Variants in PCDH15 observed in about 807,000 individuals in gnomAD.
PCDH15 encodes protocadherin related 15, also known as protocadherin-15.
In PCDH15, 129 loss-of-function variants were observed where a neutral mutation model predicts 178.5. That is an observed-to-expected ratio of 0.72 (90% confidence interval 0.63 to 0.84). The LOEUF (loss-of-function observed/expected upper bound fraction) is 0.84, where lower values mean the gene tolerates loss of function less well. Among genes scored for constraint, PCDH15 ranks in the 40% least tolerant of loss-of-function variants. The pLI, the probability that PCDH15 is intolerant of heterozygous loss-of-function variation, is 0.00. For missense variants in PCDH15, 2,230 were observed against 2,099.9 expected, an observed-to-expected ratio of 1.06 and a Z score of -1.21; for synonymous variants, 800 against 732.0, an observed-to-expected ratio of 1.09 and a Z score of -1.50.
intron 1 of PCDH15, among the ~76,000 whole-genome samples, chr10:54,793,169 G>T (rs911409437): frequency 6.6e-6 from 1 of 151,890 alleles, no homozygotes. Flanking sequence ...GATTGAAACT[G>T]TGTTGCAAGT....
At chr10:55,065,679 G>A (rs1345009348) in intron 2 of PCDH15, among the ~76,000 whole-genome samples, 1 of 151,990 alleles carries the variant, frequency 6.6e-6, no homozygotes, top group African/African-American at 2.4e-5. Flanking sequence ...TGTGAAATAA[G>A]TGAAATAACA....
chr10:54,880,635 T>A (rs1159841488), intron 3 of PCDH15, among the ~76,000 whole-genome samples: 1 of 151,678 alleles, frequency 6.6e-6, no homozygotes, highest in Admixed American at 6.6e-5. Context: ...AAATAATATA[T>A]TTTTAGTTGG....
chr10:55,208,967 C>G (rs1039197851), intron 1 of PCDH15, among the ~76,000 whole-genome samples: 1 of 151,986 alleles, frequency 6.6e-6, no homozygotes, highest in African/African-American at 2.4e-5. Flanking sequence ...GTAATAAGCA[C>G]TATGGAGATG....
At chr10:54,558,105 A>G (rs1053615055) in intron 2 of PCDH15, among the ~76,000 whole-genome samples, 8 of 152,112 alleles carry the variant, frequency 5.3e-5, no homozygotes, top group Admixed American at 3.9e-4. Flanking sequence ...CTGATATGCA[A>G]TCAGGACCCT....
intron 2 of PCDH15, among the ~76,000 whole-genome samples, chr10:54,630,639 T>C (rs183200095): frequency 7.9e-5 from 12 of 152,068 alleles, no homozygotes; most frequent in African/African-American, 2.4e-4. Context: ...AAACAAAAAT[T>C]ACAAAAAATA....
intron 16 of PCDH15, 85 bp downstream of exon 16, chr10:54,089,899 G>A: frequency 2.9e-6 from 3 of 1,036,666 alleles, no homozygotes; most frequent in Admixed American, 1.8e-5. Context: ...ACAAACAGCT[G>A]AAAGCCTCTG....
intron 20 of PCDH15, among the ~76,000 whole-genome samples, chr10:54,014,550 A>G (rs2092685307): frequency 6.6e-6 from 1 of 152,188 alleles, no homozygotes; most frequent in South Asian, 2.1e-4. Flanking sequence ...GCACATTGAA[A>G]AGCTAATCCA....
chr10:54,881,465 G>C (rs1484746358), intron 3 of PCDH15, among the ~76,000 whole-genome samples: 1 of 151,966 alleles, frequency 6.6e-6, no homozygotes, highest in Non-Finnish European at 1.5e-5. Flanking sequence ...AATAATTTGA[G>C]AGCTTTGCAC....
intron 1 of PCDH15, among the ~76,000 whole-genome samples, chr10:55,210,347 T>C (rs1320425858): frequency 6.6e-6 from 1 of 151,940 alleles, no homozygotes; most frequent in East Asian, 1.9e-4. Flanking sequence ...AAATAGTAGA[T>C]AAATAAAAGT....
In PCDH15 at chr10:54,357,755, T is replaced by A. The variant is rs541149030; in HGVS notation, c.475-11271A>T. 1.9e-3 allele frequency among the ~76,000 whole-genome samples: 284 copies of A among 152,262 alleles called. 1 individual carries two copies. The highest frequency in any genetic ancestry group is 3.4e-3 in the Middle Eastern group (1 of 294). ...AGCTGGAGGCATCACGCTACCTGAC[T>A]TCAAAGTATACTACAAGGCTACAGT... On this transcript the variant is annotated intron_variant, in intron 5 of 37. Transcript: ENST00000644397.
chr10:54,084,464 C>T (rs1368159440), intron 16 of PCDH15, among the ~76,000 whole-genome samples: 2 of 151,482 alleles, frequency 1.3e-5, no homozygotes, highest in Non-Finnish European at 2.9e-5. Flanking sequence ...CAGAACAAGA[C>T]TCCATCTCAA....
intron 8 of PCDH15, among the ~76,000 whole-genome samples, chr10:54,267,384 T>C (rs912870483): frequency 6.6e-6 from 1 of 151,852 alleles, no homozygotes; most frequent in Non-Finnish European, 1.5e-5. Context: ...TATCCACTTT[T>C]ACCACTCTTA....
At chr10:54,105,336 A>G (rs917127847) in intron 15 of PCDH15, among the ~76,000 whole-genome samples, 8 of 98,568 alleles carry the variant, frequency 8.1e-5, no homozygotes, top group African/African-American at 2.4e-4. Flanking sequence ...ACATACATAT[A>G]TATACACACA....
At chr10:53,898,874 T>C (rs2082139872) in intron 26 of PCDH15, among the ~76,000 whole-genome samples, 7 of 152,142 alleles carry the variant, frequency 4.6e-5, no homozygotes, top group Admixed American at 4.6e-4. Flanking sequence ...TAAATAAAAC[T>C]GAAATTCTGT....
At chr10:55,497,339 T>G (rs1840557125) in intron 2 of PCDH15, among the ~76,000 whole-genome samples, 1 of 151,822 alleles carries the variant, frequency 6.6e-6, no homozygotes, top group East Asian at 2.0e-4. Flanking sequence ...CTCACTATGT[T>G]GTCCATGCTT....
intron 1 of PCDH15, among the ~76,000 whole-genome samples, chr10:55,230,482 G>C (rs1841182502): frequency 6.6e-6 from 1 of 152,064 alleles, no homozygotes; most frequent in Non-Finnish European, 1.5e-5. Flanking sequence ...ATTTATTCAT[G>C]TGTTTAATAC....
rs371848714 is a variant in PCDH15 at position 54,388,232 on chromosome 10, G to C, written c.158-9290C>G. Among the ~76,000 whole-genome samples, 26 of 152,206 alleles carry C rather than the reference G, an allele frequency of 1.7e-4. No individual in the cohort carries two copies. In the East Asian group the frequency reaches 2.7e-3, roughly 16 times the overall value. On this transcript the variant is annotated intron_variant, in intron 3 of 37. Coordinates refer to ENST00000644397, the MANE Select transcript of PCDH15 (RefSeq NM_001384140.1). ...TGTTCAAACGTTCATCAGCATGAAG[G>C]GTCCAAAAATGGCCAGAGGACAATC... is the stretch of plus-strand genomic sequence containing the variant.
chr10:53,942,760 C>A (rs1398518032), intron 23 of PCDH15, among the ~76,000 whole-genome samples: 2 of 152,126 alleles, frequency 1.3e-5, no homozygotes, highest in Non-Finnish European at 2.9e-5. Context: ...CTGGATGACA[C>A]CTTGATTAAA....
intron 2 of PCDH15, among the ~76,000 whole-genome samples, chr10:55,564,074 T>C (rs1186139826): frequency 6.6e-6 from 1 of 151,864 alleles, no homozygotes; most frequent in Non-Finnish European, 1.5e-5. Flanking sequence ...TTCCACAGAC[T>C]TCAAGAGACT....
Sources: allele counts gnomAD v4.1 joint callset (sites outside exome capture counted in the v4.1 genomes callset), GRCh38; gene constraint gnomAD v4.1.1; transcripts MANE v1.5; gene names NCBI Gene and HGNC (gene_info 2026-07-23, HGNC 2026-07-21).